Variants in UBA6 observed in about 807,000 individuals in gnomAD.
The protein encoded by UBA6 is ubiquitin like modifier activating enzyme 6.
UBA6 carries 87 observed loss-of-function variants against 148.3 expected under a neutral mutation model. That is an observed-to-expected ratio of 0.59 (90% CI 0.49 to 0.70). The LOEUF (loss-of-function observed/expected upper bound fraction) is 0.70, where lower values mean the gene tolerates loss of function less well. UBA6 is among the 30% of genes least tolerant of loss of function. The pLI, the probability that UBA6 is intolerant of heterozygous loss-of-function variation, is 0.00. For missense variants in UBA6, 1,186 were observed against 1,241.2 expected, an observed-to-expected ratio of 0.96 and a Z score of 0.67; for synonymous variants, 376 against 401.0, an observed-to-expected ratio of 0.94 and a Z score of 0.75.
chr4:67,654,204 T>G (rs1358800955), intron 13 of UBA6, among the ~76,000 whole-genome samples: 1 of 151,984 alleles, frequency 6.6e-6, no homozygotes, highest in Non-Finnish European at 1.5e-5. Context: ...AAGATACTCC[T>G]CGAGAAGAGC....
intron 25 of UBA6, 53 bp downstream of exon 25, chr4:67,631,655 A>T: frequency 7.5e-7 from 1 of 1,334,640 alleles, no homozygotes; most frequent in Non-Finnish European, 1.0e-6. Flanking sequence ...TAAGGAATTT[A>T]CAGTAAAGAA....
intron 18 of UBA6, among the ~76,000 whole-genome samples, chr4:67,639,860 T>C (rs375498236): frequency 7.2e-5 from 11 of 152,190 alleles, no homozygotes; most frequent in African/African-American, 2.4e-4. Context: ...AAATACAGTA[T>C]CTTATTGTAC....
chr4:67,649,334 A>C, intron 13 of UBA6, 123 bp from the exon 14 acceptor site: 1 of 920,640 alleles, frequency 1.1e-6, no homozygotes, highest in South Asian at 2.2e-5. Context: ...TTCCCCTACT[A>C]AATATCTCTA....
chr4:67,663,757 T>C, intron 11 of UBA6, 128 bp downstream of exon 11: 4 of 731,610 alleles, frequency 5.5e-6, no homozygotes, highest in South Asian at 1.7e-5. Context: ...ATAACCTTTA[T>C]TATACTCACA....
Position 67,668,421 on chromosome 4 carries a change from A to T in UBA6, c.793+130T>A, listed in dbSNP as rs545689372. 9.0e-6 allele frequency: 7 copies of T among 781,830 alleles called. No individual in the cohort carries two copies. The African/African-American group carries it at 1.2e-4, about 14-fold the overall frequency. The allele number at this position is 781,830 out of a possible 1,614,324, so 48.4% of individuals were successfully genotyped here. On this transcript the variant is annotated intron_variant, in intron 9 of 32. Transcript: ENST00000322244. ...AGTGTTTAACAATGTCTTCACTTGG[A>T]TCGAATATTTTGAGGCCAAGGGCTT...
chr4:67,700,972 C>T lies in UBA6; in HGVS notation c.71+77G>A, dbSNP rs182430948. On this transcript the variant is annotated intron_variant, in intron 1 of 32. Coordinates refer to ENST00000322244, the MANE Select transcript of UBA6 (RefSeq NM_018227.6). ...CGGCCTCTCGGGCGCCCCCAGCCCGCCGGAAAGAAAGAAGCAGAAACCCGG... is the reference window on the plus strand; with the variant it reads ...CGGCCTCTCGGGCGCCCCCAGCCCGTCGGAAAGAAAGAAGCAGAAACCCGG... The T allele has an allele frequency of 1.8e-5, 29 of 1,583,566 alleles. No homozygotes were observed. The Admixed American group carries it at 4.9e-4, about 27-fold the overall frequency.
chr4:67,676,078 C>T (rs1248943264), intron 6 of UBA6, among the ~76,000 whole-genome samples: 2 of 138,552 alleles, frequency 1.4e-5, no homozygotes, highest in African/African-American at 2.7e-5. Context: ...GGCTGGAGTG[C>T]AGTGGCTCAA....
Position 67,622,882 on chromosome 4 carries a change from T to G in UBA6, c.2972A>C (p.Lys991Thr). The G allele has an allele frequency of 1.2e-6, 2 of 1,613,362 alleles. No homozygotes were observed. Among genetic ancestry groups the G allele is most frequent in the Non-Finnish European group, 1.7e-6 (2 of 1,179,646 alleles). ...IEPTMVVQGV[K>T]MLYVPVMPGH... ...AGGCATTACAGGAACATAAAGCATT[T>G]TGACTCCCTGTACCACCATTGTTGG... Residue 991 changes from lysine (K) to threonine (T), a missense_variant, in exon 32 of 33, where the codon AAA becomes ACA. Physicochemically the swap from Lys to Thr is moderately conservative, Grantham distance 78 (BLOSUM62 -1). Transcript: ENST00000322244.
chr4:67,637,840 C>A (rs921956294), intron 19 of UBA6, among the ~76,000 whole-genome samples: 4 of 151,892 alleles, frequency 2.6e-5, no homozygotes, highest in African/African-American at 9.7e-5. Flanking sequence ...AAACCAGAGA[C>A]CTTTGTTCAC....
In UBA6 at chr4:67,616,789, T is replaced by C. The variant is rs1012814215; in HGVS notation, c.*2208A>G. The C allele has an allele frequency of 2.0e-5, 3 of 152,154 alleles. No homozygotes were observed. Among genetic ancestry groups the C allele is most frequent in the African/African-American group, 7.2e-5 (3 of 41,446 alleles). The allele number at this position is 152,154 out of a possible 1,614,324, so 9.4% of individuals were successfully genotyped here. On this transcript the variant is annotated 3_prime_UTR_variant, in exon 33 of 33. Transcript: ENST00000322244. ...ATCTCTGGAGTCAACTTATGAAACATGATTTACAAAGATATTCTTACATTT... is the reference window on the plus strand; with the variant it reads ...ATCTCTGGAGTCAACTTATGAAACACGATTTACAAAGATATTCTTACATTT...
chr4:67,679,190 T>C (rs1252172731), intron 4 of UBA6, among the ~76,000 whole-genome samples: 1 of 152,060 alleles, frequency 6.6e-6, no homozygotes, highest in Non-Finnish European at 1.5e-5. Flanking sequence ...TGGGAGGAGA[T>C]AAACATATAT....
At chr4:67,649,910 C>T (rs543817791) in intron 13 of UBA6, among the ~76,000 whole-genome samples, 1 of 151,986 alleles carries the variant, frequency 6.6e-6, no homozygotes, top group Non-Finnish European at 1.5e-5. Flanking sequence ...TTCAAGTTTG[C>T]CTAATTAATC....
intron 10 of UBA6, among the ~76,000 whole-genome samples, chr4:67,664,391 A>G (rs374764399): frequency 6.6e-6 from 1 of 152,046 alleles, no homozygotes; most frequent in African/African-American, 2.4e-5. Context: ...GAGACAAAAC[A>G]TAAGGAGATA....
intron 28 of UBA6, among the ~76,000 whole-genome samples, chr4:67,625,597 ACT>A (rs1306387025): frequency 6.6e-6 from 1 of 152,010 alleles, no homozygotes; most frequent in African/African-American, 2.4e-5. Flanking sequence ...CCCTCTGGTA[ACT>A]AAGAACAGGG....
chr4:67,663,739 A>G (rs1729921051), intron 11 of UBA6, 146 bp downstream of exon 11: 5 of 548,884 alleles, frequency 9.1e-6, no homozygotes, highest in Non-Finnish European at 1.6e-5. Context: ...AACTTTAGAT[A>G]TGTGAGTATA....
chr4:67,634,561 T>G (rs1452338439), intron 20 of UBA6, 43 bp from the exon 21 acceptor site: 1 of 1,380,664 alleles, frequency 7.2e-7, no homozygotes, highest in Non-Finnish European at 9.8e-7. Context: ...GGGGAAGCAA[T>G]GACCAATTTT....
intron 14 of UBA6, among the ~76,000 whole-genome samples, chr4:67,648,797 C>A (rs1729484330): frequency 6.6e-6 from 1 of 152,036 alleles, no homozygotes; most frequent in African/African-American, 2.4e-5. Context: ...AGAACAATTA[C>A]CTATAAGGAT....
At chr4:67,679,365 T>C (rs747662459) in intron 4 of UBA6, among the ~76,000 whole-genome samples, 10 of 152,172 alleles carry the variant, frequency 6.6e-5, no homozygotes, top group Non-Finnish European at 8.8e-5. Flanking sequence ...TTAAAAAATC[T>C]GACTTTGAAT....
At chr4:67,687,208 G>GTA (rs1730594060) in intron 2 of UBA6, among the ~76,000 whole-genome samples, 1 of 151,406 alleles carries the variant, frequency 6.6e-6, no homozygotes, top group African/African-American at 2.4e-5. Flanking sequence ...GCTAATTTTT[G>GTA]TATTTTTAGT....
Sources: gnomAD v4.1 joint callset for allele counts (sites outside exome capture counted in the v4.1 genomes callset) on GRCh38, gnomAD v4.1.1 for gene constraint, MANE v1.5 for transcripts, NCBI Gene and HGNC (gene_info 2026-07-23, HGNC 2026-07-21) for gene names.